The following EHD4 variants were observed in gnomAD, a reference collection of about 807,000 sequenced individuals.
EHD4 encodes EH domain containing 4.
EHD4 carries 37 observed loss-of-function variants against 51.0 expected under a neutral mutation model. The ratio of observed to expected loss-of-function variants is 0.73; its 90% CI spans 0.56 to 0.95. The LOEUF is 0.95. Ranked by LOEUF, EHD4 falls within the 40% of genes least tolerant of loss-of-function variation. The probability of loss-of-function intolerance (pLI) is 0.00; values close to 1 mark genes in which losing one functional copy is unlikely to be tolerated. For missense variants in EHD4, 632 were observed against 733.1 expected, an observed-to-expected ratio of 0.86 and a Z score of 1.59; for synonymous variants, 297 against 317.3, an observed-to-expected ratio of 0.94 and a Z score of 0.68.
At chr15:41,935,675 C>T (rs76892649) in intron 3 of EHD4, among the ~76,000 whole-genome samples, 4,731 of 152,274 alleles carry the variant, frequency 0.031, 113 homozygotes, top group Admixed American at 0.069. Flanking sequence ...ACAGCACGCA[C>T]TCTGGAACCA....
At chr15:41,958,466 G>A (rs1167758779) in intron 1 of EHD4, among the ~76,000 whole-genome samples, 2 of 152,044 alleles carry the variant, frequency 1.3e-5, no homozygotes, top group East Asian at 3.9e-4. Flanking sequence ...AGCTCACAGA[G>A]CTACTTTGAT....
intron 3 of EHD4, among the ~76,000 whole-genome samples, chr15:41,920,472 G>C (rs2067617490): frequency 6.6e-6 from 1 of 152,244 alleles, no homozygotes. Context: ...AGTCTGACTA[G>C]TTGCAGAAGC....
rs2067437119 is a variant in EHD4, at chr15:41,896,135, A to C, written c.*4510T>G. ...ATAAAGGGAATGCATTGGCCCACACAGTGGAAAAAAATATCTAGTAGGAAT... is the reference window on the plus strand; with the variant it reads ...ATAAAGGGAATGCATTGGCCCACACCGTGGAAAAAAATATCTAGTAGGAAT... On this transcript the variant is annotated 3_prime_UTR_variant, in exon 6 of 6. Transcript: ENST00000220325. 6.6e-6 allele frequency: 1 copy of C among 152,114 alleles called. No individual in the cohort carries two copies. Among genetic ancestry groups the C allele is most frequent in the South Asian group, 2.1e-4 (1 of 4,818 alleles). The allele number at this position is 152,114 out of a possible 1,614,324, so 9.4% of individuals were successfully genotyped here. A position where few individuals can be genotyped will look rare whatever the true frequency, so the allele number is the denominator to read the frequency against.
chr15:41,902,730 CAT>C lies in EHD4; in HGVS notation c.1090-1551_1090-1550del, dbSNP rs371705465. On this transcript the variant is annotated intron_variant, in intron 5 of 5. Coordinates refer to ENST00000220325, the MANE Select transcript of EHD4 (RefSeq NM_139265.4). ...TCAAGACCAGCCTGGTCATTAGACC[CAT>C]ATATATATATATACATATGTATGTG... Among the ~76,000 whole-genome samples the C allele has an allele frequency of 5.4e-5, 8 of 146,882 alleles. No individual in the cohort carries two copies. In the South Asian group the frequency reaches 8.6e-4, roughly 16 times the overall value.
rs971445357 is a variant in EHD4, at chr15:41,899,345, A to G, written c.*1300T>C. ...AGCAGCAGTCCAGAGAGGTTTACTC[A>G]GGGGATTTGGGGAGCGCACACTCTG... On this transcript the variant is annotated 3_prime_UTR_variant, in exon 6 of 6. Transcript: ENST00000220325. 10 of 152,192 alleles carry G rather than the reference A, an allele frequency of 6.6e-5. No homozygotes were observed. The highest frequency in any genetic ancestry group is 6.5e-4 in the Admixed American group (10 of 15,284). 9.4% of individuals were successfully genotyped at this position (152,192 alleles called of 1,614,324 possible). A position where few individuals can be genotyped will look rare whatever the true frequency, so the allele number is the denominator to read the frequency against.
At position 41,897,706 on chromosome 15, in the gene EHD4, T is replaced by G. The variant is rs117990941; in HGVS notation, c.*2939A>C. 1 of 152,244 alleles carries G rather than the reference T, an allele frequency of 6.6e-6. No homozygotes were observed. Among genetic ancestry groups the G allele is most frequent in the Admixed American group, 6.5e-5 (1 of 15,290 alleles). The allele number at this position is 152,244 out of a possible 1,614,324, so 9.4% of individuals were successfully genotyped here. On this transcript the variant is annotated 3_prime_UTR_variant, in exon 6 of 6. Transcript: ENST00000220325. ...AGGCTGACAACTTGGAAGCAGACTG[T>G]GGGAGCAATAGGCTGGAGTTTTCAT...
At position 41,911,274 on chromosome 15, in the gene EHD4, G is replaced by A. The variant is rs1322006131; in HGVS notation, c.925-1411C>T. Reference sequence around the variant, plus strand: ...GAGAGGATGGTCTTGGAGAGATGACGCTAAACCTTTCTGTCACCAGCAAAC... The same window carrying A: ...GAGAGGATGGTCTTGGAGAGATGACACTAAACCTTTCTGTCACCAGCAAAC... On this transcript the variant is annotated intron_variant, in intron 4 of 5. Transcript: ENST00000220325. Among the ~76,000 whole-genome samples, 8 of 152,194 alleles carry A rather than the reference G, an allele frequency of 5.3e-5. No individual in the cohort carries two copies. The South Asian group carries it at 1.0e-3, about 20-fold the overall frequency.
chr15:41,923,833 T>G (rs1030418), intron 3 of EHD4, among the ~76,000 whole-genome samples: 1 of 152,218 alleles, frequency 6.6e-6, no homozygotes, highest in African/African-American at 2.4e-5. Flanking sequence ...AACATGCTTA[T>G]CTGAAGACAG....
chr15:41,919,205 C>T lies in EHD4; in HGVS notation c.924+5G>A. 2 of 1,613,556 alleles carry T rather than the reference C, an allele frequency of 1.2e-6. No individual in the cohort carries two copies. The highest frequency in any genetic ancestry group is 1.7e-6 in the Non-Finnish European group (2 of 1,180,032). ...GGCCTCTGTGCAAGGCATCTCCTGG[C>T]TTACCTTGGCCAGCCTCGCTCGCTT... On this transcript the variant is annotated splice_donor_5th_base_variant and intron_variant, in intron 4 of 5. Coordinates refer to ENST00000220325, the MANE Select transcript of EHD4 (RefSeq NM_139265.4).
At chr15:41,951,980 T>A (rs1019313789) in intron 2 of EHD4, among the ~76,000 whole-genome samples, 6 of 152,250 alleles carry the variant, frequency 3.9e-5, no homozygotes, top group Non-Finnish European at 7.3e-5. Context: ...TCCTTCCACA[T>A]CACCTGCAGG....
chr15:41,959,502 G>A (rs1186827021), intron 1 of EHD4, among the ~76,000 whole-genome samples: 1 of 151,798 alleles, frequency 6.6e-6, no homozygotes, highest in Non-Finnish European at 1.5e-5. Context: ...GAGTTTGGGG[G>A]TTCAATTCAT....
intron 3 of EHD4, among the ~76,000 whole-genome samples, chr15:41,923,452 G>A (rs1019267066): frequency 6.6e-6 from 1 of 152,146 alleles, no homozygotes; most frequent in African/African-American, 2.4e-5. Flanking sequence ...AAAGGAAAAC[G>A]GTGATTCAGA....
chr15:41,906,356 C>G (rs2067512069), intron 5 of EHD4, among the ~76,000 whole-genome samples: 1 of 152,224 alleles, frequency 6.6e-6, no homozygotes, highest in South Asian at 2.1e-4. Flanking sequence ...CTCAGCCACA[C>G]TGGGGAGATG....
intron 3 of EHD4, among the ~76,000 whole-genome samples, chr15:41,923,049 T>G (rs578004372): frequency 6.6e-6 from 1 of 152,290 alleles, no homozygotes; most frequent in African/African-American, 2.4e-5. Context: ...ATTTTGCTAC[T>G]TTAAGCATTT....
chr15:41,909,649 G>A (rs766852791), intron 5 of EHD4, 50 bp downstream of exon 5: 1 of 1,602,656 alleles, frequency 6.2e-7, no homozygotes, highest in Non-Finnish European at 8.5e-7. Flanking sequence ...AGACAATGTG[G>A]CACTGCACCT....
intron 3 of EHD4, among the ~76,000 whole-genome samples, chr15:41,925,310 C>T (rs148888441): frequency 3.9e-5 from 6 of 152,252 alleles, no homozygotes; most frequent in African/African-American, 9.6e-5. Context: ...TAGAAGAAAT[C>T]GGCCTTAAGA....
intron 3 of EHD4, among the ~76,000 whole-genome samples, chr15:41,938,454 T>C (rs1046402348): frequency 6.6e-6 from 1 of 152,260 alleles, no homozygotes; most frequent in Non-Finnish European, 1.5e-5. Flanking sequence ...GTACTATTAC[T>C]GTCCACTGCT....
intron 1 of EHD4, among the ~76,000 whole-genome samples, chr15:41,965,915 G>A (rs2067958713): frequency 6.7e-6 from 1 of 149,612 alleles, no homozygotes; most frequent in South Asian, 2.1e-4. Flanking sequence ...AGCTGCCAGC[G>A]CTCCCCTGCC....
chr15:41,945,479 G>A (rs1333638530), intron 2 of EHD4, among the ~76,000 whole-genome samples: 2 of 152,184 alleles, frequency 1.3e-5, no homozygotes, highest in African/African-American at 2.4e-5. Context: ...CAGGATGGCT[G>A]AAAAAGAGAG....
Sources: allele counts gnomAD v4.1 joint callset (sites outside exome capture counted in the v4.1 genomes callset), GRCh38; gene constraint gnomAD v4.1.1; transcripts MANE v1.5; gene names NCBI Gene and HGNC (gene_info 2026-07-23, HGNC 2026-07-21).